ATXN1: variants seen among roughly 807,000 people sequenced by gnomAD.
ATXN1 encodes ataxin-1.
In ATXN1, 8 loss-of-function variants were observed where a neutral mutation model predicts 56.4. That is an observed-to-expected ratio of 0.14 (90% confidence interval 0.08 to 0.26). The LOEUF is 0.26. Ranked by LOEUF, ATXN1 falls within the 10% of genes least tolerant of loss-of-function variation. ATXN1 has a pLI of 1.00. For missense variants in ATXN1, 987 were observed against 1,106.5 expected (o/e 0.89, Z 1.53); for synonymous variants, 514 against 494.6 (o/e 1.04, Z -0.52).
chr6:16,731,674 T>C (rs914953044), intron 2 of ATXN1, among the ~76,000 whole-genome samples: 2 of 151,974 alleles, frequency 1.3e-5, no homozygotes, highest in African/African-American at 4.8e-5. Context: ...ATGGGCATTT[T>C]TCCCCATGAT....
chr6:16,564,694 G>T (rs1258971760), intron 4 of ATXN1, among the ~76,000 whole-genome samples: 2 of 152,182 alleles, frequency 1.3e-5, no homozygotes, highest in Non-Finnish European at 2.9e-5. Context: ...TGGTTGCCAG[G>T]AGCTGAGGGT....
intron 4 of ATXN1, among the ~76,000 whole-genome samples, chr6:16,532,519 CA>C (rs1482381754): frequency 2.6e-5 from 4 of 151,968 alleles, no homozygotes; most frequent in African/African-American, 9.7e-5. Context: ...TGAGCAACAA[CA>C]AAAAACAAAT....
intron 6 of ATXN1, among the ~76,000 whole-genome samples, chr6:16,473,555 G>T (rs1275456199): frequency 6.6e-6 from 1 of 152,140 alleles, no homozygotes; most frequent in East Asian, 1.9e-4. Flanking sequence ...GGAAGGAAAA[G>T]AGTCTTTGGC....
intron 6 of ATXN1, among the ~76,000 whole-genome samples, chr6:16,360,693 T>C (rs1490536379): frequency 6.6e-6 from 1 of 152,196 alleles, no homozygotes; most frequent in Non-Finnish European, 1.5e-5. Flanking sequence ...GTTCCTCTAA[T>C]CGTAACATAT....
Position 16,589,357 on chromosome 6 carries a change from A to G in ATXN1, c.-488-3450T>C, listed in dbSNP as rs530281913. ...GTTTCGTACAGCAGCGTGGCACATA[A>G]ATTAACAACAACAAAAAAAAGAAAT... On this transcript the variant is annotated intron_variant, in intron 3 of 7. Transcript: ENST00000436367. Among the ~76,000 whole-genome samples, 3 of 151,830 alleles carry G rather than the reference A, an allele frequency of 2.0e-5. No homozygotes were observed. In the South Asian group the frequency reaches 6.2e-4, roughly 32 times the overall value.
chr6:16,314,618 T>C (rs1581683300), intron 7 of ATXN1, among the ~76,000 whole-genome samples: 1 of 152,052 alleles, frequency 6.6e-6, no homozygotes, highest in Admixed American at 6.6e-5. Context: ...TTGTTATTAT[T>C]ATTATTTTTT....
chr6:16,326,616 C>T lies in ATXN1; in HGVS notation c.1695G>A (p.Ala565=), dbSNP rs146373716. The T allele has an allele frequency of 4.0e-3, 6,506 of 1,614,076 alleles. 30 individuals are homozygous for T. Among genetic ancestry groups the T allele is most frequent in the South Asian group, 5.1e-3 (469 of 91,084 alleles). ...AGTAGGGAGGCAGCGTAGGGGGAGCCGCCGCCGGGGAGGCCACGGACTGCA... is the reference window on the plus strand; with the variant it reads ...AGTAGGGAGGCAGCGTAGGGGGAGCTGCCGCCGGGGAGGCCACGGACTGCA... ...PVVQSVASPA[A]APPTLPPYFM... Residue 565 remains alanine (A), a synonymous_variant, in exon 7 of 8, where the codon GCG becomes GCA. Transcript: ENST00000436367. The surrounding 1 kb of genome is among the most constrained non-coding windows in gnomAD (Gnocchi z 6.6).
chr6:16,734,639 C>T (rs575550561), intron 2 of ATXN1, among the ~76,000 whole-genome samples: 3 of 152,262 alleles, frequency 2.0e-5, no homozygotes, highest in Admixed American at 2.0e-4. Flanking sequence ...TCCTGAGTAG[C>T]GGGGACCACA....
intron 2 of ATXN1, among the ~76,000 whole-genome samples, chr6:16,717,439 C>G (rs1759661647): frequency 6.6e-6 from 1 of 152,208 alleles, no homozygotes; most frequent in African/African-American, 2.4e-5. Flanking sequence ...ATTCCCTGCT[C>G]ACCAAGCAAA....
chr6:16,455,124 A>C (rs1759838566), intron 6 of ATXN1, among the ~76,000 whole-genome samples: 1 of 152,248 alleles, frequency 6.6e-6, no homozygotes, highest in African/African-American at 2.4e-5. Flanking sequence ...GGAAGGAAGG[A>C]GAGCATCTCT....
chr6:16,559,941 C>T (rs1298052961), intron 4 of ATXN1, among the ~76,000 whole-genome samples: 3 of 152,118 alleles, frequency 2.0e-5, no homozygotes, highest in African/African-American at 4.8e-5. Flanking sequence ...AGGCATTTGG[C>T]TAAGCTTCCT....
intron 3 of ATXN1, among the ~76,000 whole-genome samples, chr6:16,604,140 G>C (rs944789794): frequency 6.6e-6 from 1 of 152,130 alleles, no homozygotes; most frequent in East Asian, 1.9e-4. Context: ...CTGCACATGG[G>C]AGAAAACGAT....
intron 4 of ATXN1, among the ~76,000 whole-genome samples, chr6:16,573,131 C>G (rs1310860677): frequency 4.6e-5 from 7 of 152,194 alleles, no homozygotes; most frequent in Non-Finnish European, 1.0e-4. Context: ...TTCATTCAGT[C>G]TAGCCTAAGC....
At chr6:16,620,160 T>A (rs1405287246) in intron 3 of ATXN1, among the ~76,000 whole-genome samples, 3 of 152,070 alleles carry the variant, frequency 2.0e-5, no homozygotes, top group Non-Finnish European at 4.4e-5. Context: ...GAAACCTTGA[T>A]CTTATTTCTA....
intron 5 of ATXN1, among the ~76,000 whole-genome samples, chr6:16,496,405 C>A (rs1444587496): frequency 6.6e-6 from 1 of 152,142 alleles, no homozygotes; most frequent in Non-Finnish European, 1.5e-5. Flanking sequence ...TACAATTATT[C>A]TTTCTTTCTA....
chr6:16,448,162 T>C (rs997248185), intron 6 of ATXN1, among the ~76,000 whole-genome samples: 19 of 152,188 alleles, frequency 1.2e-4, no homozygotes, highest in African/African-American at 4.3e-4. Context: ...CCTCCTCTTT[T>C]TTCCTGCCCA....
intron 6 of ATXN1, among the ~76,000 whole-genome samples, chr6:16,401,632 T>C (rs1758572693): frequency 1.2e-5 from 1 of 81,154 alleles, no homozygotes; most frequent in Admixed American, 1.2e-4. Flanking sequence ...AGAGTGCTCC[T>C]GGTGGACACA....
At chr6:16,689,521 C>CT (rs11374047) in intron 2 of ATXN1, among the ~76,000 whole-genome samples, 45,461 of 105,226 alleles carry the variant, frequency 0.43, 9,041 homozygotes, top group Non-Finnish European at 0.47. Context: ...TTTTTTTTTT[C>CT]TTTTTTTTTT....
intron 3 of ATXN1, among the ~76,000 whole-genome samples, chr6:16,657,285 C>T (rs1320262615): frequency 2.0e-5 from 3 of 152,188 alleles, no homozygotes. Context: ...CCACACCCAG[C>T]CCAGTATTAT....
Sources: gnomAD v4.1 joint callset for allele counts (sites outside exome capture counted in the v4.1 genomes callset) on GRCh38, gnomAD v4.1.1 for gene constraint, Gnocchi (gnomAD v3.1) non-coding constraint, MANE v1.5 for transcripts, NCBI Gene and HGNC (gene_info 2026-07-23, HGNC 2026-07-21) for gene names.